LRRC8C: variants seen among roughly 807,000 people sequenced by gnomAD.
LRRC8C encodes the protein volume-regulated anion channel subunit LRRC8C.
In LRRC8C, 20 loss-of-function variants were observed where a neutral mutation model predicts 55.3. The observed-to-expected ratio is 0.36, with a 90% confidence interval of 0.25 to 0.53. The LOEUF is 0.53. Among genes scored for constraint, LRRC8C ranks in the 20% least tolerant of loss-of-function variants. The probability of loss-of-function intolerance (pLI) is 0.92; values close to 1 mark genes in which losing one functional copy is unlikely to be tolerated. For synonymous variants in LRRC8C, 376 were observed against 360.7 expected (o/e 1.04, Z -0.48); for missense variants, 659 against 951.4 (o/e 0.69, Z 4.04).
Position 89,715,208 on chromosome 1 carries a change from CAG to C in LRRC8C, c.*228_*229del. On this transcript the variant is annotated 3_prime_UTR_variant, in exon 3 of 3. Coordinates refer to ENST00000370454, the MANE Select transcript of LRRC8C (RefSeq NM_032270.5). The stretch of plus-strand genomic sequence containing the variant: ...ACACAATGTATCTATTATCTACTGA[CAG>C]AAAGAGATAGTTCCATTTGGTTTTT... 3.1e-6 allele frequency: 1 copy of C among 322,768 alleles called. No individual in the cohort carries two copies. The highest frequency in any genetic ancestry group is 5.0e-5 in the East Asian group (1 of 19,910). The allele number at this position is 322,768 out of a possible 1,614,324, so 20.0% of individuals were successfully genotyped here.
At chr1:89,661,258 C>T (rs1281773653) in intron 1 of LRRC8C, 1 of 275,356 alleles carries the variant, frequency 3.6e-6, no homozygotes, top group East Asian at 9.6e-5. Flanking sequence ...TCCACAATTA[C>T]TGAGTAGAAC....
rs374085978 is a variant in LRRC8C, at chr1:89,713,798, A to T, written c.1228A>T (p.Thr410Ser). Reference sequence around the variant, plus strand: ...GCAGCTGAACTTAAATAACGAATGGACTCCTGATAAACTGAGGCAGAAGCT... The same window carrying T: ...GCAGCTGAACTTAAATAACGAATGGTCTCCTGATAAACTGAGGCAGAAGCT... ...LKQLNLNNEWTPDKLRQKLQT... is the reference protein window; with the variant it reads ...LKQLNLNNEWSPDKLRQKLQT... Residue 410 changes from threonine to serine, a missense_variant, in exon 3 of 3, where the codon ACT (threonine) becomes TCT (serine). This residue lies in a region of LRRC8C where 344 missense variants were observed against 464.6 expected (regional missense o/e 0.74). Coordinates refer to ENST00000370454, the MANE Select transcript of LRRC8C (RefSeq NM_032270.5). This position sits in a 1 kb window ranked among gnomAD's most constrained non-coding sequence, Gnocchi z 5.2. The T allele has an allele frequency of 1.4e-5, 23 of 1,614,082 alleles. No individual in the cohort carries two copies. In the East Asian group the frequency reaches 1.6e-4, roughly 11 times the overall value.
intron 1 of LRRC8C, among the ~76,000 whole-genome samples, chr1:89,637,208 A>C (rs1656313858): frequency 6.6e-6 from 1 of 152,068 alleles, no homozygotes; most frequent in Non-Finnish European, 1.5e-5. Context: ...TTAGGTTGCA[A>C]ATATACCGAG....
At chr1:89,694,762 A>G (rs1311597784) in intron 2 of LRRC8C, among the ~76,000 whole-genome samples, 1 of 150,606 alleles carries the variant, frequency 6.6e-6, no homozygotes, top group Non-Finnish European at 1.5e-5. Flanking sequence ...TAATTTTTGT[A>G]TTTTTAGTAG....
At chr1:89,665,532 A>G (rs1488487174) in intron 1 of LRRC8C, among the ~76,000 whole-genome samples, 1 of 152,222 alleles carries the variant, frequency 6.6e-6, no homozygotes, top group Non-Finnish European at 1.5e-5. Flanking sequence ...TTTAATAGCA[A>G]AAAACTTATT....
chr1:89,632,333 T>A (rs930467092), upstream of LRRC8C: 3 of 152,268 alleles, frequency 2.0e-5, no homozygotes, highest in Non-Finnish European at 4.4e-5. Context: ...AACTCCTTTA[T>A]GCGGGAGCTG....
At chr1:89,658,323 A>G (rs1041778573) in intron 1 of LRRC8C, among the ~76,000 whole-genome samples, 4 of 152,234 alleles carry the variant, frequency 2.6e-5, no homozygotes, top group Non-Finnish European at 5.9e-5. Context: ...AGGGTCTGAA[A>G]TATTAACTTA....
At chr1:89,680,077 C>CTTT (rs534159163) in intron 1 of LRRC8C, among the ~76,000 whole-genome samples, 4 of 142,924 alleles carry the variant, frequency 2.8e-5, no homozygotes, top group Non-Finnish European at 6.1e-5. Context: ...TACCAATATT[C>CTTT]TTTTTTTTTT....
chr1:89,661,735 A>G (rs1173287009), intron 1 of LRRC8C, among the ~76,000 whole-genome samples: 1 of 152,200 alleles, frequency 6.6e-6, no homozygotes, highest in Non-Finnish European at 1.5e-5. Context: ...GCTAAAATAT[A>G]TATAGTATGT....
chr1:89,640,906 G>C (rs1346187363), intron 1 of LRRC8C, among the ~76,000 whole-genome samples: 1 of 152,178 alleles, frequency 6.6e-6, no homozygotes, highest in Non-Finnish European at 1.5e-5. Context: ...TAAAATTAAA[G>C]TGAAAGGAAA....
rs538932727 is a variant in LRRC8C at position 89,705,120 on chromosome 1, A to G, written c.139-7589A>G. On this transcript the variant is annotated intron_variant, in intron 2 of 2. Coordinates refer to ENST00000370454, the MANE Select transcript of LRRC8C (RefSeq NM_032270.5). ...GAAAAATGATGAGTTCATGTCCTTT[A>G]TAGGGACATGGATGAAATTGGAAAT... Among the ~76,000 whole-genome samples, 42 of 151,902 alleles carry G rather than the reference A, an allele frequency of 2.8e-4. No homozygotes were observed. The East Asian group carries it at 3.1e-3, about 11-fold the overall frequency.
intron 2 of LRRC8C, among the ~76,000 whole-genome samples, chr1:89,711,229 A>T (rs901778811): frequency 6.6e-6 from 1 of 152,220 alleles, no homozygotes; most frequent in Admixed American, 6.5e-5. Flanking sequence ...CATGTACCAG[A>T]CACTTTACTA....
chr1:89,685,140 A>G lies in LRRC8C; in HGVS notation c.-4-1330A>G, dbSNP rs370675206. 3.7e-3 allele frequency among the ~76,000 whole-genome samples: 438 copies of G among 119,184 alleles called. 2 individuals carry two copies. Among genetic ancestry groups the G allele is most frequent in the African/African-American group, 0.013 (393 of 30,746 alleles). The allele number at this position is 119,184 out of a possible 152,430, so 78.2% of individuals were successfully genotyped here. A position where few individuals can be genotyped will look rare whatever the true frequency, so the allele number is the denominator to read the frequency against. On this transcript the variant is annotated intron_variant, in intron 1 of 2. Coordinates refer to ENST00000370454, the MANE Select transcript of LRRC8C (RefSeq NM_032270.5). ...TTTTTTTTTTTTGAGACGGAGTCTC[A>G]CTCTGTCGCCCAGCAGGCCGGACTG...
rs186910409 is a variant in LRRC8C at position 89,709,270 on chromosome 1, G to A, written c.139-3439G>A. Reference sequence around the variant, plus strand: ...TCCTGTTCTGCCATTTCCTAGCTGCGTGAACTTGTGCAGGTCACTGAAGTT... The same window carrying A: ...TCCTGTTCTGCCATTTCCTAGCTGCATGAACTTGTGCAGGTCACTGAAGTT... On this transcript the variant is annotated intron_variant, in intron 2 of 2. Coordinates refer to ENST00000370454, the MANE Select transcript of LRRC8C (RefSeq NM_032270.5). Among the ~76,000 whole-genome samples, 35 of 152,340 alleles carry A rather than the reference G, an allele frequency of 2.3e-4. No individual in the cohort carries two copies. The East Asian group carries it at 2.9e-3, about 13-fold the overall frequency.
chr1:89,704,604 G>A (rs183687475), intron 2 of LRRC8C, among the ~76,000 whole-genome samples: 12 of 152,228 alleles, frequency 7.9e-5, no homozygotes, highest in African/African-American at 2.9e-4. Flanking sequence ...AATGGCAATG[G>A]GGATAGGAAA....
chr1:89,701,773 T>C (rs766139395), intron 2 of LRRC8C, among the ~76,000 whole-genome samples: 66 of 152,154 alleles, frequency 4.3e-4, no homozygotes, highest in Non-Finnish European at 8.7e-4. Context: ...ATAGTCATGA[T>C]AGATATAAAA....
intron 1 of LRRC8C, among the ~76,000 whole-genome samples, chr1:89,675,607 G>A (rs540475749): frequency 6.6e-6 from 1 of 152,222 alleles, no homozygotes; most frequent in South Asian, 2.1e-4. Flanking sequence ...AATCATTACA[G>A]ATTTCCCCAG....
At chr1:89,639,437 T>A (rs1656392645) in intron 1 of LRRC8C, among the ~76,000 whole-genome samples, 1 of 152,206 alleles carries the variant, frequency 6.6e-6, no homozygotes. Context: ...CATGAGCCTA[T>A]CATGGCAGCT....
the LRRC8C span, among the ~76,000 whole-genome samples, chr1:89,619,060 T>C: frequency 3.9e-5 from 6 of 152,242 alleles, no homozygotes; most frequent in Non-Finnish European, 8.8e-5. Context: ...ATGTATCCCT[T>C]TATAGATCAT....
Sources: allele counts gnomAD v4.1 joint callset (sites outside exome capture counted in the v4.1 genomes callset), GRCh38; gene constraint gnomAD v4.1.1; regional missense constraint gnomAD v4.1.1; non-coding constraint Gnocchi (gnomAD v3.1); transcripts MANE v1.5; gene names NCBI Gene and HGNC (gene_info 2026-07-23, HGNC 2026-07-21).